Variants in UPP2 observed in about 807,000 individuals in gnomAD.
UPP2 encodes UPase 2.
Under a neutral mutation model 26.7 loss-of-function variants are expected in UPP2, and 23 were observed. That is an observed-to-expected ratio of 0.86 (90% CI 0.62 to 1.22). The LOEUF (loss-of-function observed/expected upper bound fraction) is 1.22. Among genes scored for constraint, UPP2 ranks in the 50% most tolerant of loss-of-function variants. The pLI is 0.00. For synonymous variants in UPP2, 127 were observed against 141.3 expected, an observed-to-expected ratio of 0.90 and a Z score of 0.72; for missense variants, 387 against 396.7, an observed-to-expected ratio of 0.98 and a Z score of 0.21.
intron 2 of UPP2, among the ~76,000 whole-genome samples, chr2:157,998,047 G>C (rs1683349152): frequency 6.6e-6 from 1 of 152,148 alleles, no homozygotes; most frequent in Admixed American, 6.6e-5. Flanking sequence ...TACAATATTA[G>C]ATTGGGTTAA....
At chr2:158,102,989 C>T (rs73007719) in intron 1 of UPP2, among the ~76,000 whole-genome samples, 74 of 152,162 alleles carry the variant, frequency 4.9e-4, no homozygotes, top group African/African-American at 6.5e-4. Flanking sequence ...TAATTTGTCA[C>T]GATTTACTAA....
chr2:158,074,830 T>C (rs919165029), intron 3 of UPP2, among the ~76,000 whole-genome samples: 4 of 131,974 alleles, frequency 3.0e-5, no homozygotes, highest in African/African-American at 1.2e-4. Context: ...ACTGAGAGAA[T>C]TTTTTTTTTT....
rs766088648 is a variant in UPP2 at position 158,079,067 on chromosome 2, G to A, written c.148-22973G>A. ...GGTTTTATAAGAGGCTTCCCCCTTCGCTCAGCATTCATTCTCTCTCCTGAC... is the reference window on the plus strand; with the variant it reads ...GGTTTTATAAGAGGCTTCCCCCTTCACTCAGCATTCATTCTCTCTCCTGAC... On this transcript the variant is annotated intron_variant, in intron 3 of 9. Coordinates refer to the UPP2 transcript ENST00000605860. Among the ~76,000 whole-genome samples, 15 of 152,094 alleles carry A rather than the reference G, an allele frequency of 9.9e-5. 1 individual carries two copies. The highest frequency in any genetic ancestry group is 2.2e-4 in the African/African-American group (9 of 41,486).
chr2:158,113,806 C>T lies in UPP2; in HGVS notation c.181-1295C>T, dbSNP rs565395790. Among the ~76,000 whole-genome samples the T allele has an allele frequency of 7.9e-5, 12 of 152,308 alleles. No homozygotes were observed. In the East Asian group the frequency reaches 1.9e-3, roughly 24 times the overall value. ...AATGCTGCCTACATCAGCCAGATAC[C>T]ACCAACTGCCTTTTCCTCACTAGAG... On this transcript the variant is annotated intron_variant, in intron 2 of 6. Coordinates refer to ENST00000005756, the MANE Select transcript of UPP2 (RefSeq NM_173355.4).
chr2:158,034,793 G>C (rs573621627), intron 3 of UPP2, among the ~76,000 whole-genome samples: 1 of 152,298 alleles, frequency 6.6e-6, no homozygotes, highest in South Asian at 2.1e-4. Flanking sequence ...CAGCTTGTTC[G>C]AACTAGCCTT....
At chr2:158,033,882 G>C (rs1683962611) in intron 3 of UPP2, among the ~76,000 whole-genome samples, 1 of 151,960 alleles carries the variant, frequency 6.6e-6, no homozygotes, top group Admixed American at 6.6e-5. Context: ...CTGTTGAGAA[G>C]AGTGCATTGC....
intron 3 of UPP2, among the ~76,000 whole-genome samples, chr2:158,082,900 T>G (rs964130427): frequency 6.6e-6 from 1 of 152,160 alleles, no homozygotes; most frequent in Admixed American, 6.5e-5. Flanking sequence ...GTGAAGGATA[T>G]GAACAGACAT....
chr2:158,021,899 A>G (rs1196691870), intron 3 of UPP2, among the ~76,000 whole-genome samples: 1 of 152,216 alleles, frequency 6.6e-6, no homozygotes, highest in East Asian at 1.9e-4. Context: ...TTGAAATTAG[A>G]TGAGATCAGA....
intron 4 of UPP2, among the ~76,000 whole-genome samples, chr2:158,120,961 C>T (rs1051064456): frequency 2.0e-5 from 3 of 151,682 alleles, no homozygotes; most frequent in African/African-American, 4.8e-5. Context: ...ATGAAGTCGG[C>T]GAGAGAACAA....
chr2:158,120,974 G>A (rs1410345965), intron 4 of UPP2, among the ~76,000 whole-genome samples: 1 of 152,034 alleles, frequency 6.6e-6, no homozygotes, highest in Non-Finnish European at 1.5e-5. Flanking sequence ...GAGAACAAAT[G>A]TGAAAAGAAT....
upstream of UPP2, chr2:158,101,761 G>C (rs959795708): frequency 8.6e-6 from 8 of 935,598 alleles, no homozygotes; most frequent in Non-Finnish European, 1.1e-5. Flanking sequence ...TAACCAACCT[G>C]GTCAAAGAGC....
At chr2:158,107,408 G>A (rs1389296553) in intron 2 of UPP2, among the ~76,000 whole-genome samples, 1 of 152,170 alleles carries the variant, frequency 6.6e-6, no homozygotes, top group African/African-American at 2.4e-5. Context: ...GAGAGGTGGA[G>A]GAAGGTTACA....
intron 3 of UPP2, among the ~76,000 whole-genome samples, chr2:158,036,817 G>A (rs1684008296): frequency 6.6e-6 from 1 of 152,104 alleles, no homozygotes; most frequent in African/African-American, 2.4e-5. Flanking sequence ...CAGTTGAAAG[G>A]GGGCACAGTC....
chr2:158,012,628 T>C (rs574697244), intron 2 of UPP2, among the ~76,000 whole-genome samples: 2 of 152,310 alleles, frequency 1.3e-5, no homozygotes, highest in Non-Finnish European at 2.9e-5. Context: ...TTTAACCACA[T>C]CTTTGATCCT....
chr2:158,135,784 C>T lies in UPP2; in HGVS notation c.*894C>T, dbSNP rs193272259. 100 of 152,312 alleles carry T rather than the reference C, an allele frequency of 6.6e-4. 2 individuals are homozygous for T. The highest frequency in any genetic ancestry group is 2.2e-3 in the African/African-American group (91 of 41,566). The allele number at this position is 152,312 out of a possible 1,614,324, so 9.4% of individuals were successfully genotyped here. On this transcript the variant is annotated 3_prime_UTR_variant, in exon 7 of 7. Coordinates refer to ENST00000005756, the MANE Select transcript of UPP2 (RefSeq NM_173355.4). ...TTCTCTGGGAGGCATGGTGCTCCTC[C>T]TGGCTGCACATGCTCTCTGTGAACT...
intron 2 of UPP2, among the ~76,000 whole-genome samples, chr2:158,008,421 T>C (rs1574242859): frequency 6.6e-6 from 1 of 152,348 alleles, no homozygotes; most frequent in African/African-American, 2.4e-5. Flanking sequence ...AAAGAGTACC[T>C]AAATTGCTTT....
chr2:158,073,361 C>A (rs1254267091), intron 3 of UPP2, among the ~76,000 whole-genome samples: 1 of 151,702 alleles, frequency 6.6e-6, no homozygotes, highest in Admixed American at 6.6e-5. Flanking sequence ...CTCAAAAGGG[C>A]AAATCTAAGA....
At chr2:158,081,200 C>T (rs181243604) in intron 3 of UPP2, among the ~76,000 whole-genome samples, 1 of 152,202 alleles carries the variant, frequency 6.6e-6, no homozygotes, top group East Asian at 1.9e-4. Flanking sequence ...CCAAACACTG[C>T]TTATGTCAAG....
chr2:158,030,336 A>G (rs1408169225), intron 3 of UPP2, among the ~76,000 whole-genome samples: 1 of 152,234 alleles, frequency 6.6e-6, no homozygotes, highest in South Asian at 2.1e-4. Flanking sequence ...TTATGAGTAG[A>G]CAATTGAATA....
Sources: allele counts gnomAD v4.1 joint callset (sites outside exome capture counted in the v4.1 genomes callset), GRCh38; gene constraint gnomAD v4.1.1; transcripts MANE v1.5; gene names NCBI Gene and HGNC (gene_info 2026-07-23, HGNC 2026-07-21).